The following MYOM3 variants were observed in gnomAD, a reference collection of about 807,000 sequenced individuals.
MYOM3 encodes the protein myomesin-3.
In MYOM3, 155 loss-of-function variants were observed where a neutral mutation model predicts 191.7. The observed-to-expected ratio is 0.81, with a 90% confidence interval of 0.71 to 0.92. The LOEUF is 0.92. Ranked by LOEUF, MYOM3 falls within the 40% of genes least tolerant of loss-of-function variation. MYOM3 has a pLI of 0.00. For synonymous variants in MYOM3, 757 were observed against 762.9 expected, an observed-to-expected ratio of 0.99 and a Z score of 0.13; for missense variants, 1,889 against 1,890.6, an observed-to-expected ratio of 1.00 and a Z score of 0.02.
Position 24,062,000 on chromosome 1 carries a change from C to G in MYOM3, c.3880G>C (p.Glu1294Gln), listed in dbSNP as rs1643375253. 1.2e-6 allele frequency: 2 copies of G among 1,614,102 alleles called. No homozygotes were observed. The highest frequency in any genetic ancestry group is 1.7e-6 in the Non-Finnish European group (2 of 1,180,046). ...KDSDKGKYTL[E>Q]IAAGKEVRQL... ...CGGACTTCCTTCCCTGCAGCTATTT[C>G]CAGAGTGTATTTGCCCTTGTCTGAG... Residue 1294 changes from glutamate (E) to glutamine (Q), a missense_variant, in exon 33 of 37, where the codon GAA becomes CAA. Glu to Gln is a conservative substitution (Grantham distance 29). Coordinates refer to ENST00000374434, the MANE Select transcript of MYOM3 (RefSeq NM_152372.4).
chr1:24,097,342 G>A (rs1643883874), intron 7 of MYOM3, among the ~76,000 whole-genome samples: 1 of 152,230 alleles, frequency 6.6e-6, no homozygotes, highest in Non-Finnish European at 1.5e-5. Context: ...TTGAATAACT[G>A]TGTAGGTTGT....
chr1:24,061,621 C>A (rs1246972262), intron 33 of MYOM3, among the ~76,000 whole-genome samples: 1 of 151,998 alleles, frequency 6.6e-6, no homozygotes, highest in Non-Finnish European at 1.5e-5. Context: ...ACTCTGTTGC[C>A]CAGGCTAGAG....
chr1:24,105,170 C>A (rs745365031), intron 5 of MYOM3, among the ~76,000 whole-genome samples: 4 of 152,160 alleles, frequency 2.6e-5, no homozygotes, highest in Non-Finnish European at 5.9e-5. Flanking sequence ...GCTTTCCCAG[C>A]CCCCTTCAAG....
At chr1:24,101,316 CT>C (rs1643931160) in intron 5 of MYOM3, among the ~76,000 whole-genome samples, 1 of 152,198 alleles carries the variant, frequency 6.6e-6, no homozygotes, top group Non-Finnish European at 1.5e-5. Context: ...AGAAAACAAG[CT>C]TCTAGCTTAT....
intron 5 of MYOM3, among the ~76,000 whole-genome samples, chr1:24,100,698 A>G (rs1557616527): frequency 2.6e-5 from 4 of 152,142 alleles, no homozygotes; most frequent in African/African-American, 9.7e-5. Context: ...TATCCTGGCT[A>G]ACACTGTGAA....
chr1:24,110,565 C>T (rs1234881894), intron 1 of MYOM3, among the ~76,000 whole-genome samples: 1 of 152,036 alleles, frequency 6.6e-6, no homozygotes, highest in African/African-American at 2.4e-5. Context: ...TGGGCTTTTA[C>T]CCCTTCTACT....
chr1:24,107,157 AT>A lies in MYOM3; in HGVS notation c.317del (p.Asn106MetfsTer26). The part of the protein sequence containing the change: ...ERGQKRVGFG[N>X]DWERTEIAFL... ...AGGCGATCTCAGTCCTCTCCCAGTC[AT>A]TGCCGAAGCCCACCCGCTTCTGCCC... is the stretch of plus-strand genomic sequence containing the variant. On this transcript the variant is annotated frameshift_variant, in exon 4 of 37. Coordinates refer to ENST00000374434, the MANE Select transcript of MYOM3 (RefSeq NM_152372.4). LOFTEE classifies it high-confidence loss of function. The A allele has an allele frequency of 6.2e-7, 1 of 1,612,326 alleles. No homozygotes were observed. Among genetic ancestry groups the A allele is most frequent in the Non-Finnish European group, 8.5e-7 (1 of 1,179,350 alleles).
At position 24,063,460 on chromosome 1, in the gene MYOM3, G is replaced by A. The variant is rs1643396878; in HGVS notation, c.3661+32C>T. The A allele has an allele frequency of 6.2e-7, 1 of 1,613,782 alleles. No individual in the cohort carries two copies. Among genetic ancestry groups the A allele is most frequent in the South Asian group, 1.1e-5 (1 of 91,074 alleles). On this transcript the variant is annotated intron_variant, in intron 31 of 36. Coordinates refer to ENST00000374434, the MANE Select transcript of MYOM3 (RefSeq NM_152372.4). This position sits in a 1 kb window ranked among gnomAD's most constrained non-coding sequence, Gnocchi z 4.5. ...TGGAGGCTGTTGGGCATCAGGGCAG[G>A]GCAGGGCTGGGCAAAGAGGCAGGCT...
intron 11 of MYOM3, 54 bp from the exon 12 acceptor site, chr1:24,091,050 A>G: frequency 6.3e-7 from 1 of 1,586,568 alleles, no homozygotes; most frequent in Admixed American, 1.7e-5. Flanking sequence ...ACACCTTCCC[A>G]ATGTGAGCCT....
intron 5 of MYOM3, among the ~76,000 whole-genome samples, chr1:24,100,886 C>CAA (rs570186037): frequency 1.1e-3 from 103 of 94,494 alleles, no homozygotes; most frequent in African/African-American, 3.8e-3. Context: ...GACTCCGTCT[C>CAA]AAAAAAAAAA....
At chr1:24,093,133 T>C (rs1459444769) in intron 9 of MYOM3, 25 bp from the exon 10 acceptor site, 4 of 1,586,428 alleles carry the variant, frequency 2.5e-6, no homozygotes, top group Non-Finnish European at 3.4e-6. Flanking sequence ...TGGGGGGCCA[T>C]TGAGTTTGTG....
chr1:24,096,757 C>A (rs1643880246), intron 7 of MYOM3, among the ~76,000 whole-genome samples: 1 of 149,088 alleles, frequency 6.7e-6, no homozygotes, highest in Non-Finnish European at 1.5e-5. Context: ...TGTATGTGTG[C>A]ACACGTGGGC....
intron 7 of MYOM3, among the ~76,000 whole-genome samples, chr1:24,096,175 G>C (rs1643877557): frequency 6.6e-6 from 1 of 152,208 alleles, no homozygotes. Flanking sequence ...CCCTTCCTGA[G>C]CAAGGTCCAG....
At chr1:24,103,948 A>G (rs2148561162) in intron 5 of MYOM3, among the ~76,000 whole-genome samples, 1 of 152,086 alleles carries the variant, frequency 6.6e-6, no homozygotes, top group East Asian at 1.9e-4. Flanking sequence ...CATCTCTCTG[A>G]TTCTTTAATT....
chr1:24,065,701 T>C, intron 29 of MYOM3, 190 bp downstream of exon 29: 1 of 631,290 alleles, frequency 1.6e-6, no homozygotes, highest in South Asian at 1.8e-5. Flanking sequence ...TTTTGATTTT[T>C]TAGAATATTG....
rs767938070 is a variant in MYOM3, at chr1:24,063,517, G to A, written c.3636C>T (p.Ile1212=). ...LDLTGDALDA[I]FTELGRIGAL... Reference sequence around the variant, plus strand: ...CACCAATCCTGCCCAACTCGGTGAAGATGGCATCCAGGGCTGGCGGGAAAC... The same window carrying A: ...CACCAATCCTGCCCAACTCGGTGAAAATGGCATCCAGGGCTGGCGGGAAAC... The change falls in exon 31 of 37, where the codon ATC becomes ATT. Residue 1212 remains isoleucine, a synonymous_variant. Coordinates refer to ENST00000374434, the MANE Select transcript of MYOM3 (RefSeq NM_152372.4). This position sits in a 1 kb window ranked among gnomAD's most constrained non-coding sequence, Gnocchi z 4.5. The A allele has an allele frequency of 5.0e-6, 8 of 1,614,182 alleles. No homozygotes were observed. In the South Asian group the frequency reaches 7.7e-5, roughly 16 times the overall value.
In MYOM3 at chr1:24,099,788, A is replaced by G. The variant is rs1410608446; in HGVS notation, c.561-13T>C. 5 of 1,609,324 alleles carry G rather than the reference A, an allele frequency of 3.1e-6. No homozygotes were observed. Among genetic ancestry groups the G allele is most frequent in the Non-Finnish European group, 4.3e-6 (5 of 1,175,728 alleles). On this transcript the variant is annotated splice_polypyrimidine_tract_variant and intron_variant, in intron 5 of 36. Transcript: ENST00000374434. ...GTCATTTTTGTACCTGTGGGGACAT[A>G]GCGGTCTGTGGCAGGCAGGGTGGTT... is the stretch of plus-strand genomic sequence containing the variant.
intron 7 of MYOM3, among the ~76,000 whole-genome samples, 198 bp downstream of exon 7, chr1:24,097,725 C>A (rs772246630): frequency 9.2e-5 from 14 of 152,240 alleles, no homozygotes; most frequent in Non-Finnish European, 1.6e-4. Flanking sequence ...TCAGCCCAGG[C>A]TGATGGAGGA....
At chr1:24,075,691 C>G (rs1286029006) in intron 21 of MYOM3, among the ~76,000 whole-genome samples, 1 of 152,140 alleles carries the variant, frequency 6.6e-6, no homozygotes, top group African/African-American at 2.4e-5. Context: ...GCTAAGCATC[C>G]TATCACCCTG....
Sources: gnomAD v4.1 joint callset for allele counts (sites outside exome capture counted in the v4.1 genomes callset) on GRCh38, gnomAD v4.1.1 for gene constraint, Gnocchi (gnomAD v3.1) non-coding constraint, MANE v1.5 for transcripts, NCBI Gene and HGNC (gene_info 2026-07-23, HGNC 2026-07-21) for gene names.